The following MTUS1 variants were observed in gnomAD, a reference collection of about 807,000 sequenced individuals.
The protein encoded by MTUS1 is microtubule associated scaffold protein 1.
MTUS1 carries 109 observed loss-of-function variants against 120.8 expected under a neutral mutation model. The ratio of observed to expected loss-of-function variants is 0.90; its 90% CI spans 0.77 to 1.06. MTUS1 has a LOEUF of 1.06. Among genes scored for constraint, MTUS1 ranks in the 50% least tolerant of loss-of-function variants. The pLI is 0.00. For missense variants in MTUS1, 2,210 were observed against 1,486.3 expected (o/e 1.49, Z -8.01); for synonymous variants, 737 against 550.5 (o/e 1.34, Z -4.74).
intron 9 of MTUS1, 96 bp downstream of exon 9, chr8:17,655,766 AG>A (rs1808071013): frequency 2.9e-6 from 3 of 1,028,996 alleles, no homozygotes; most frequent in Non-Finnish European, 4.5e-6. Flanking sequence ...TATACCTATT[AG>A]ACTAAAAAAG....
chr8:17,727,484 T>C (rs1488621210), intron 3 of MTUS1, among the ~76,000 whole-genome samples: 2 of 152,214 alleles, frequency 1.3e-5, no homozygotes, highest in African/African-American at 4.8e-5. Flanking sequence ...TACAGCGGAA[T>C]GGTGAAAACC....
At position 17,679,348 on chromosome 8, in the gene MTUS1, TGCGC is replaced by T. The variant is rs71848132; in HGVS notation, c.2839-4100_2839-4097del. Among the ~76,000 whole-genome samples, 527 of 139,840 alleles carry T rather than the reference TGCGC, an allele frequency of 3.8e-3. 2 individuals carry two copies. Among genetic ancestry groups the T allele is most frequent in the South Asian group, 5.6e-3 (23 of 4,116 alleles). The allele number at this position is 139,840 out of a possible 152,430, so 91.7% of individuals were successfully genotyped here. A position where few individuals can be genotyped will look rare whatever the true frequency, so the allele number is the denominator to read the frequency against. On this transcript the variant is annotated intron_variant, in intron 7 of 14. Transcript: ENST00000693296. ...TCTATTTTATATACATATGCATGTGTGCGCGCGCGTGTGTGTGTGTGTGTGTGTG... is the reference window on the plus strand; with the variant it reads ...TCTATTTTATATACATATGCATGTGTGCGCGTGTGTGTGTGTGTGTGTGTG...
At chr8:17,766,982 T>C (rs1271010045) in intron 1 of MTUS1, among the ~76,000 whole-genome samples, 1 of 152,124 alleles carries the variant, frequency 6.6e-6, no homozygotes, top group African/African-American at 2.4e-5. Context: ...GATCAGTATA[T>C]TTGAGAATTA....
At chr8:17,743,529 C>T in intron 3 of MTUS1, 75 bp downstream of exon 3, 5 of 1,377,984 alleles carry the variant, frequency 3.6e-6, no homozygotes, top group South Asian at 1.3e-5. Flanking sequence ...TGACAGAAGG[C>T]ATTAGACCTA....
At chr8:17,688,670 T>C (rs1180349346) in intron 6 of MTUS1, among the ~76,000 whole-genome samples, 1 of 152,246 alleles carries the variant, frequency 6.6e-6, no homozygotes, top group Non-Finnish European at 1.5e-5. Context: ...TGGCAGGTGC[T>C]TATCCTGCCT....
At chr8:17,671,171 T>C (rs1811943690) in intron 8 of MTUS1, among the ~76,000 whole-genome samples, 2 of 151,954 alleles carry the variant, frequency 1.3e-5, no homozygotes, top group Admixed American at 1.3e-4. Context: ...TATATATTCA[T>C]ATAAACTAAG....
intron 1 of MTUS1, among the ~76,000 whole-genome samples, chr8:17,784,598 T>C (rs577719586): frequency 6.6e-6 from 1 of 151,934 alleles, no homozygotes; most frequent in East Asian, 2.0e-4. Flanking sequence ...TTAAGAGACT[T>C]TCAAGAATGA....
rs750107307 is a variant in MTUS1 at position 17,754,189 on chromosome 8, G to A, written c.1619C>T (p.Ser540Leu). 1 of 1,614,018 alleles carries A rather than the reference G, an allele frequency of 6.2e-7. No individual in the cohort carries two copies. Among genetic ancestry groups the A allele is most frequent in the South Asian group, 1.1e-5 (1 of 91,068 alleles). Residue 540 changes from serine to leucine, a missense_variant, in exon 2 of 15, where the codon TCA (serine) becomes TTA (leucine). Transcript: ENST00000693296. Reference sequence around the variant, plus strand: ...TCTTGAATTCACTGATGAGGGTGATGAGGCACTGGTCTGCTGAGGTCTGGG... The same window carrying A: ...TCTTGAATTCACTGATGAGGGTGATAAGGCACTGGTCTGCTGAGGTCTGGG... ...VTPRPQQTSASSPSSVNSRQQ... is the reference protein window; with the variant it reads ...VTPRPQQTSALSPSSVNSRQQ...
At chr8:17,721,859 T>C (rs1330965263) in intron 4 of MTUS1, 2 of 1,613,874 alleles carry the variant, frequency 1.2e-6, no homozygotes, top group Non-Finnish European at 1.7e-6. Context: ...TTTGAAGAAA[T>C]ATCAGTTTCT....
intron 8 of MTUS1, among the ~76,000 whole-genome samples, chr8:17,657,351 G>A (rs572742075): frequency 1.2e-3 from 185 of 151,444 alleles, no homozygotes; most frequent in Non-Finnish European, 4.7e-4. Flanking sequence ...GGCGGATCAC[G>A]AGGTCAGGAG....
chr8:17,724,484 T>C (rs1167945649), intron 3 of MTUS1, among the ~76,000 whole-genome samples: 2 of 151,232 alleles, frequency 1.3e-5, no homozygotes, highest in Non-Finnish European at 2.9e-5. Flanking sequence ...GCTATACTAT[T>C]AAGATTTTTT....
Position 17,721,762 on chromosome 8 carries a change from G to A in MTUS1, c.2449+1910C>T, listed in dbSNP as rs201990102. On this transcript the variant is annotated intron_variant, in intron 4 of 14. Transcript: ENST00000693296. ...CAAAGGAATTATACAAAGGCTGTAC[G>A]ATCCCACGACCAGCAGTGTCAATAA... 3.9e-5 allele frequency: 63 copies of A among 1,613,718 alleles called. No homozygotes were observed. In the African/African-American group the frequency reaches 4.7e-4, roughly 12 times the overall value.
intron 1 of MTUS1, among the ~76,000 whole-genome samples, chr8:17,786,177 T>A (rs1247843714): frequency 6.6e-6 from 1 of 151,876 alleles, no homozygotes; most frequent in East Asian, 1.9e-4. Flanking sequence ...TTAGAACACG[T>A]CAAGGAAGGT....
chr8:17,699,636 CAT>C (rs2130900098), intron 6 of MTUS1, among the ~76,000 whole-genome samples: 1 of 152,326 alleles, frequency 6.6e-6, no homozygotes, highest in East Asian at 1.9e-4. Flanking sequence ...TATAACCACA[CAT>C]ATTGAAAATA....
chr8:17,661,711 G>C (rs555506111), intron 8 of MTUS1, among the ~76,000 whole-genome samples: 95 of 152,086 alleles, frequency 6.2e-4, no homozygotes, highest in Admixed American at 1.1e-3. Flanking sequence ...GGGAAGAAAC[G>C]GGAAAGAGAA....
intron 1 of MTUS1, among the ~76,000 whole-genome samples, chr8:17,776,217 T>C (rs1347551447): frequency 6.6e-6 from 1 of 152,030 alleles, no homozygotes; most frequent in Non-Finnish European, 1.5e-5. Flanking sequence ...TTACATTAGG[T>C]ATTAAAAGTA....
intron 6 of MTUS1, among the ~76,000 whole-genome samples, chr8:17,702,133 A>G (rs1289482303): frequency 2.0e-5 from 3 of 152,186 alleles, no homozygotes; most frequent in East Asian, 3.9e-4. Context: ...CCTAGGACCA[A>G]TTCTGAAAAA....
At chr8:17,760,340 C>T (rs1232359261) in intron 1 of MTUS1, among the ~76,000 whole-genome samples, 8 of 152,294 alleles carry the variant, frequency 5.3e-5, no homozygotes, top group Middle Eastern at 3.4e-3. Flanking sequence ...ACTGACATCT[C>T]TTCTACTTTG....
intron 6 of MTUS1, chr8:17,697,239 G>A (rs190758281): frequency 1.2e-6 from 2 of 1,601,326 alleles, no homozygotes; most frequent in East Asian, 4.5e-5. Context: ...ACTAAACAGA[G>A]ATCTATGCGA....
Sources: gnomAD v4.1 joint callset for allele counts (sites outside exome capture counted in the v4.1 genomes callset) on GRCh38, gnomAD v4.1.1 for gene constraint, MANE v1.5 for transcripts, NCBI Gene and HGNC (gene_info 2026-07-23, HGNC 2026-07-21) for gene names.